The following MAD2L1 variants were observed in gnomAD, a reference collection of about 807,000 sequenced individuals.
The protein encoded by MAD2L1 is mitotic spindle assembly checkpoint protein MAD2A.
Under a neutral mutation model 25.9 loss-of-function variants are expected in MAD2L1, and 10 were observed. That is an observed-to-expected ratio of 0.39 (90% CI 0.24 to 0.66). MAD2L1 has a LOEUF of 0.66. Ranked by LOEUF, MAD2L1 falls within the 30% of genes least tolerant of loss-of-function variation. MAD2L1 has a pLI of 0.49. For missense variants in MAD2L1, 180 were observed against 246.4 expected (o/e 0.73, Z 1.80); for synonymous variants, 81 against 91.8 (o/e 0.88, Z 0.67).
chr4:120,065,961 T>G lies in MAD2L1; in HGVS notation c.74-143A>C, dbSNP rs1726308178. 1.2e-5 allele frequency: 9 copies of G among 743,110 alleles called. No homozygotes were observed. The South Asian group carries it at 2.2e-4, about 19-fold the overall frequency. The allele number at this position is 743,110 out of a possible 1,614,324, so 46.0% of individuals were successfully genotyped here. A position where few individuals can be genotyped will look rare whatever the true frequency, so the allele number is the denominator to read the frequency against. ...CACGTGTATCTTGCTGAAAGCAGAG[T>G]AGGTACAAAGTGGCATTAAAAATCC... On this transcript the variant is annotated intron_variant, in intron 1 of 4. Coordinates refer to ENST00000296509, the MANE Select transcript of MAD2L1 (RefSeq NM_002358.4).
At chr4:120,064,588 C>T (rs1726281825) in intron 2 of MAD2L1, among the ~76,000 whole-genome samples, 1 of 151,914 alleles carries the variant, frequency 6.6e-6, no homozygotes, top group Non-Finnish European at 1.5e-5. Flanking sequence ...AGAAAAGCAC[C>T]CATACCAAAG....
At chr4:120,064,165 G>C (rs544154778) in intron 2 of MAD2L1, among the ~76,000 whole-genome samples, 46 of 152,292 alleles carry the variant, frequency 3.0e-4, no homozygotes, top group Non-Finnish European at 5.4e-4. Context: ...TGCTTCTCCA[G>C]CAAATTAAGA....
At chr4:120,066,202 C>T (rs1008395875) in intron 1 of MAD2L1, among the ~76,000 whole-genome samples, 1 of 152,156 alleles carries the variant, frequency 6.6e-6, no homozygotes, top group South Asian at 2.1e-4. Flanking sequence ...TTATCTTCCC[C>T]TTTCCCTCCC....
At chr4:120,061,896 C>A in intron 3 of MAD2L1, 79 bp downstream of exon 3, 1 of 1,116,630 alleles carries the variant, frequency 9.0e-7, no homozygotes, top group Non-Finnish European at 1.3e-6. Context: ...TAGTTCAATA[C>A]AATTAGAACT....
chr4:120,063,903 G>A (rs116461961), intron 2 of MAD2L1, among the ~76,000 whole-genome samples: 3 of 152,050 alleles, frequency 2.0e-5, no homozygotes, highest in African/African-American at 4.8e-5. Context: ...TCAGCTACTC[G>A]GGAGGCTGTG....
At position 120,063,903 on chromosome 4, in the gene MAD2L1, G is replaced by T. The variant is rs116461961; in HGVS notation, c.220+1769C>A. ...CAGGCGCTTATAATCTCAGCTACTCGGGAGGCTGTGGTGTGGGGGCAGAGG... is the reference window on the plus strand; with the variant it reads ...CAGGCGCTTATAATCTCAGCTACTCTGGAGGCTGTGGTGTGGGGGCAGAGG... On this transcript the variant is annotated intron_variant, in intron 2 of 4. Transcript: ENST00000296509. 4.5e-3 allele frequency among the ~76,000 whole-genome samples: 681 copies of T among 152,166 alleles called. 10 individuals are homozygous for T. Among genetic ancestry groups the T allele is most frequent in the East Asian group, 0.013 (68 of 5,160 alleles).
At chr4:120,061,894 T>C (rs1167256844) in intron 3 of MAD2L1, 81 bp downstream of exon 3, 4 of 1,094,580 alleles carry the variant, frequency 3.7e-6, no homozygotes, top group Non-Finnish European at 5.1e-6. Context: ...ACTAGTTCAA[T>C]ACAATTAGAA....
intron 2 of MAD2L1, among the ~76,000 whole-genome samples, chr4:120,063,440 T>C (rs1726258967): frequency 6.6e-6 from 1 of 152,202 alleles, no homozygotes; most frequent in African/African-American, 2.4e-5. Context: ...AACAAACCTG[T>C]AAGTGTAAAA....
chr4:120,065,498 C>A (rs966078387), intron 2 of MAD2L1, 174 bp downstream of exon 2: 1 of 532,084 alleles, frequency 1.9e-6, no homozygotes, highest in Non-Finnish European at 3.3e-6. Flanking sequence ...AGCCCACTCA[C>A]AATGTAGTGG....
chr4:120,061,508 A>G (rs1726216617), intron 3 of MAD2L1, among the ~76,000 whole-genome samples: 1 of 152,216 alleles, frequency 6.6e-6, no homozygotes, highest in Non-Finnish European at 1.5e-5. Flanking sequence ...ATAGAAGAGC[A>G]TGCCTAGGAC....
rs774405611 is a variant in MAD2L1 at position 120,060,236 on chromosome 4, C to G, written c.500G>C (p.Trp167Ser). Reference sequence around the variant, plus strand: ...AATAAACTGTGGTCCCGACTCTTCCCATTTTTCAGGTACAACCAAATCTTT... The same window carrying G: ...AATAAACTGTGGTCCCGACTCTTCCGATTTTTCAGGTACAACCAAATCTTT... ...TDKDLVVPEKWEESGPQFITN... is the reference protein window; with the variant it reads ...TDKDLVVPEKSEESGPQFITN... Residue 167 changes from tryptophan (W) to serine (S), a missense_variant, in exon 5 of 5, where the codon TGG (tryptophan) becomes TCG (serine). Coordinates refer to ENST00000296509, the MANE Select transcript of MAD2L1 (RefSeq NM_002358.4). 6.2e-7 allele frequency: 1 copy of G among 1,613,202 alleles called. No homozygotes were observed. The highest frequency in any genetic ancestry group is 1.1e-5 in the South Asian group (1 of 90,992).
chr4:120,064,735 T>C (rs1281289160), intron 2 of MAD2L1, among the ~76,000 whole-genome samples: 1 of 152,120 alleles, frequency 6.6e-6, no homozygotes, highest in African/African-American at 2.4e-5. Flanking sequence ...ATCTAGAGGA[T>C]AGTATAGCTT....
At position 120,059,990 on chromosome 4, in the gene MAD2L1, TA is replaced by T. The variant is rs1264252747; in HGVS notation, c.*127del. The T allele has an allele frequency of 6.8e-6, 5 of 736,614 alleles. No homozygotes were observed. Among genetic ancestry groups the T allele is most frequent in the Non-Finnish European group, 8.9e-6 (4 of 451,616 alleles). 45.6% of individuals were successfully genotyped at this position (736,614 alleles called of 1,614,324 possible). On this transcript the variant is annotated 3_prime_UTR_variant, in exon 5 of 5. Transcript: ENST00000296509. ...AAAGGAACAATTACACACAGTTCAG[TA>T]AGTATCATTTTGGTTTTCTCCATGT...
In MAD2L1 at chr4:120,059,174, T is replaced by G. The variant is rs962362105; in HGVS notation, c.*944A>C. 1 of 152,210 alleles carries G rather than the reference T, an allele frequency of 6.6e-6. No individual in the cohort carries two copies. The highest frequency in any genetic ancestry group is 2.4e-5 in the African/African-American group (1 of 41,458). The allele number at this position is 152,210 out of a possible 1,614,324, so 9.4% of individuals were successfully genotyped here. A position where few individuals can be genotyped will look rare whatever the true frequency, so the allele number is the denominator to read the frequency against. On this transcript the variant is annotated 3_prime_UTR_variant, in exon 5 of 5. Transcript: ENST00000296509. ...GTACTAAAATCAACACTTGTTCAACTGGAATTGTTGGACTAATTCCAAAGG... is the reference window on the plus strand; with the variant it reads ...GTACTAAAATCAACACTTGTTCAACGGGAATTGTTGGACTAATTCCAAAGG...
In MAD2L1 at chr4:120,056,055, ACTCCTTTTGATATG is replaced by A. The variant is rs1415814360; in HGVS notation, c.*4049_*4062del. Reference sequence around the variant, plus strand: ...GGTAAGAGGAAAAAGGTGACGAAACACTCCTTTTGATATGCTTGTTGGGGAGTCAGGATGAACTT... The same window carrying A: ...GGTAAGAGGAAAAAGGTGACGAAACACTTGTTGGGGAGTCAGGATGAACTT... On this transcript the variant is annotated 3_prime_UTR_variant, in exon 5 of 5. Coordinates refer to ENST00000296509, the MANE Select transcript of MAD2L1 (RefSeq NM_002358.4). The A allele has an allele frequency of 6.6e-6, 1 of 152,098 alleles. No individual in the cohort carries two copies. The highest frequency in any genetic ancestry group is 6.5e-5 in the Admixed American group (1 of 15,272). The allele number at this position is 152,098 out of a possible 1,614,324, so 9.4% of individuals were successfully genotyped here. A position where few individuals can be genotyped will look rare whatever the true frequency, so the allele number is the denominator to read the frequency against.
At chr4:120,064,205 G>C (rs1239368172) in intron 2 of MAD2L1, among the ~76,000 whole-genome samples, 1 of 152,144 alleles carries the variant, frequency 6.6e-6, no homozygotes, top group African/African-American at 2.4e-5. Context: ...TTGTCTAGAG[G>C]TTCCAGGCCA....
intron 2 of MAD2L1, among the ~76,000 whole-genome samples, chr4:120,064,506 A>T (rs993035894): frequency 6.6e-6 from 1 of 152,228 alleles, no homozygotes; most frequent in African/African-American, 2.4e-5. Flanking sequence ...TGTTACTGGC[A>T]TTTGGTGAGT....
intron 2 of MAD2L1, among the ~76,000 whole-genome samples, chr4:120,064,886 A>G (rs1051067808): frequency 1.3e-5 from 2 of 152,202 alleles, no homozygotes; most frequent in Non-Finnish European, 2.9e-5. Flanking sequence ...TCTAAATTAA[A>G]AAAAAAAGAT....
Position 120,058,332 on chromosome 4 carries a change from C to T in MAD2L1, c.*1786G>A, listed in dbSNP as rs1726146017. 1 of 151,970 alleles carries T rather than the reference C, an allele frequency of 6.6e-6. No homozygotes were observed. Among genetic ancestry groups the T allele is most frequent in the Non-Finnish European group, 1.5e-5 (1 of 67,994 alleles). The allele number at this position is 151,970 out of a possible 1,614,324, so 9.4% of individuals were successfully genotyped here. On this transcript the variant is annotated 3_prime_UTR_variant, in exon 5 of 5. Coordinates refer to ENST00000296509, the MANE Select transcript of MAD2L1 (RefSeq NM_002358.4). Reference sequence around the variant, plus strand: ...GAAATGACCAGAGTATACACACAACCTTTAAAAATGTGATTTCAGCCGGGC... The same window carrying T: ...GAAATGACCAGAGTATACACACAACTTTTAAAAATGTGATTTCAGCCGGGC...
Sources: gnomAD v4.1 joint callset for allele counts (sites outside exome capture counted in the v4.1 genomes callset) on GRCh38, gnomAD v4.1.1 for gene constraint, MANE v1.5 for transcripts, NCBI Gene and HGNC (gene_info 2026-07-23, HGNC 2026-07-21) for gene names.